Variants in KCNH8 observed in about 807,000 individuals in gnomAD.
KCNH8 encodes potassium voltage-gated channel subfamily H member 8.
A neutral mutation model predicts 103.6 loss-of-function variants in KCNH8; 70 were observed. That is an observed-to-expected ratio of 0.68 (90% CI 0.56 to 0.82). The LOEUF (loss-of-function observed/expected upper bound fraction) is 0.82, where lower values mean the gene tolerates loss of function less well. Among genes scored for constraint, KCNH8 ranks in the 40% least tolerant of loss-of-function variants. The pLI, the probability that KCNH8 is intolerant of heterozygous loss-of-function variation, is 0.00. For missense variants in KCNH8, 1,217 were observed against 1,329.9 expected (o/e 0.92, Z 1.32); for synonymous variants, 498 against 489.4 (o/e 1.02, Z -0.23).
intron 6 of KCNH8, among the ~76,000 whole-genome samples, chr3:19,392,321 A>AG: frequency 6.7e-6 from 1 of 148,724 alleles, no homozygotes; most frequent in Middle Eastern, 3.5e-3. Context: ...TCTGTGTCAA[A>AG]AAAAAAAAAA....
At chr3:19,507,474 G>A (rs1176392501) in intron 11 of KCNH8, among the ~76,000 whole-genome samples, 1 of 152,144 alleles carries the variant, frequency 6.6e-6, no homozygotes, top group Non-Finnish European at 1.5e-5. Context: ...GTAGTGTGCT[G>A]AAGGTGCCAG....
intron 1 of KCNH8, among the ~76,000 whole-genome samples, chr3:19,208,652 A>G (rs2063739720): frequency 6.6e-6 from 1 of 151,990 alleles, no homozygotes; most frequent in Non-Finnish European, 1.5e-5. Flanking sequence ...ATATAAATTA[A>G]TAAGAGGACA....
At chr3:19,219,737 A>G (rs1291518388) in intron 1 of KCNH8, among the ~76,000 whole-genome samples, 1 of 152,040 alleles carries the variant, frequency 6.6e-6, no homozygotes, top group Admixed American at 6.5e-5. Context: ...TTCTCTTCCT[A>G]CAGAGTGGAA....
chr3:19,480,397 G>A (rs531276416), intron 11 of KCNH8, among the ~76,000 whole-genome samples: 1 of 152,178 alleles, frequency 6.6e-6, no homozygotes, highest in African/African-American at 2.4e-5. Context: ...AGTATCTTCT[G>A]TCAGGATTCA....
At chr3:19,450,634 TTC>T (rs567455542) in intron 9 of KCNH8, 244 of 321,850 alleles carry the variant, frequency 7.6e-4, no homozygotes, top group African/African-American at 5.0e-3. Context: ...TTAATCAAGT[TTC>T]TGTTTCCCTT....
intron 1 of KCNH8, among the ~76,000 whole-genome samples, 177 bp from the exon 2 acceptor site, chr3:19,253,477 A>G (rs559968302): frequency 6.6e-6 from 1 of 151,948 alleles, no homozygotes; most frequent in Non-Finnish European, 1.5e-5. Flanking sequence ...AACTTAATGC[A>G]TACTTCTGCT....
At chr3:19,357,788 A>C (rs2065898600) in intron 5 of KCNH8, among the ~76,000 whole-genome samples, 1 of 151,906 alleles carries the variant, frequency 6.6e-6, no homozygotes, top group South Asian at 2.1e-4. Context: ...CTTAGTCAAA[A>C]AATCACTGAG....
intron 5 of KCNH8, among the ~76,000 whole-genome samples, chr3:19,362,100 G>A (rs1419430086): frequency 6.6e-6 from 1 of 152,126 alleles, no homozygotes; most frequent in African/African-American, 2.4e-5. Context: ...TGTCGATAAT[G>A]TAGGGGAGGA....
chr3:19,240,270 AT>A (rs1226527739), intron 1 of KCNH8, among the ~76,000 whole-genome samples: 2 of 152,010 alleles, frequency 1.3e-5, no homozygotes, highest in African/African-American at 4.8e-5. Flanking sequence ...AAATTATCCA[AT>A]TTCTGCTAAC....
chr3:19,338,362 C>T (rs560475130), intron 3 of KCNH8, among the ~76,000 whole-genome samples: 1 of 152,024 alleles, frequency 6.6e-6, no homozygotes, highest in East Asian at 1.9e-4. Context: ...AGATTTTAGC[C>T]CTCGGTCATC....
chr3:19,189,438 A>G (rs2063531096), intron 1 of KCNH8, among the ~76,000 whole-genome samples: 1 of 151,938 alleles, frequency 6.6e-6, no homozygotes, highest in Non-Finnish European at 1.5e-5. Context: ...GGGCTAAATT[A>G]ATGGTTTCTT....
At chr3:19,332,976 G>A (rs2065532304) in intron 3 of KCNH8, among the ~76,000 whole-genome samples, 1 of 152,142 alleles carries the variant, frequency 6.6e-6, no homozygotes, top group African/African-American at 2.4e-5. Context: ...CAATGTGTGA[G>A]AGATCCAGTT....
intron 7 of KCNH8, among the ~76,000 whole-genome samples, chr3:19,425,142 C>T (rs555003981): frequency 6.6e-6 from 1 of 152,210 alleles, no homozygotes; most frequent in South Asian, 2.1e-4. Flanking sequence ...CATGACTTCC[C>T]GTTCTGTACC....
At chr3:19,443,412 ATATATATACACATAT>A in intron 8 of KCNH8, among the ~76,000 whole-genome samples, 1 of 150,466 alleles carries the variant, frequency 6.6e-6, no homozygotes, top group East Asian at 1.9e-4. Flanking sequence ...ACACACACAC[ATATATATACACATAT>A]GTGTGTGTAT....
At chr3:19,462,802 T>C (rs956299188) in intron 11 of KCNH8, among the ~76,000 whole-genome samples, 22 of 152,198 alleles carry the variant, frequency 1.4e-4, no homozygotes, top group African/African-American at 5.3e-4. Flanking sequence ...TTAATCCATC[T>C]TGAATTAATT....
intron 1 of KCNH8, among the ~76,000 whole-genome samples, chr3:19,232,457 G>C (rs1287213462): frequency 6.6e-6 from 1 of 152,174 alleles, no homozygotes; most frequent in Non-Finnish European, 1.5e-5. Context: ...TCAGCCCACT[G>C]TTTTCTTACC....
intron 4 of KCNH8, among the ~76,000 whole-genome samples, chr3:19,342,997 T>C (rs975093307): frequency 6.6e-6 from 1 of 152,108 alleles, no homozygotes; most frequent in African/African-American, 2.4e-5. Flanking sequence ...GGGGACGCAC[T>C]GGTTACATTT....
chr3:19,231,002 T>A (rs2125237972), intron 1 of KCNH8, among the ~76,000 whole-genome samples: 1 of 152,180 alleles, frequency 6.6e-6, no homozygotes, highest in Non-Finnish European at 1.5e-5. Flanking sequence ...TCTGAACAAA[T>A]AAGTATAAGA....
intron 7 of KCNH8, among the ~76,000 whole-genome samples, chr3:19,422,028 A>G (rs1251158972): frequency 6.6e-6 from 1 of 152,140 alleles, no homozygotes; most frequent in Non-Finnish European, 1.5e-5. Flanking sequence ...GATGCAAAGA[A>G]CATGAGATAG....
Sources: gnomAD v4.1 joint callset for allele counts (sites outside exome capture counted in the v4.1 genomes callset) on GRCh38, gnomAD v4.1.1 for gene constraint, MANE v1.5 for transcripts, NCBI Gene and HGNC (gene_info 2026-07-23, HGNC 2026-07-21) for gene names.